Variants in CCNC observed in about 807,000 individuals in gnomAD.
The protein encoded by CCNC is cyclin-C.
Under a neutral mutation model 50.0 loss-of-function variants are expected in CCNC, and 19 were observed. The ratio of observed to expected loss-of-function variants is 0.38; its 90% CI spans 0.27 to 0.56. The LOEUF (loss-of-function observed/expected upper bound fraction) is 0.56. CCNC is among the 20% of genes least tolerant of loss of function. The pLI is 0.72. For missense variants in CCNC, 200 were observed against 327.1 expected, an observed-to-expected ratio of 0.61 and a Z score of 3.00; for synonymous variants, 93 against 103.7, an observed-to-expected ratio of 0.90 and a Z score of 0.63.
Position 99,568,588 on chromosome 6 carries a change from T to C in CCNC, c.-61A>G. On this transcript the variant is annotated 5_prime_UTR_variant, in exon 1 of 12. It removes an upstream start codon present in the reference 5' UTR. Transcript: ENST00000520429. ...GGCGGAGCGGCCCGCGGAGCGACCA[T>C]AGACCCAGCCCGTCCGGTAACCGCG... The C allele has an allele frequency of 1.9e-6, 3 of 1,590,388 alleles. No homozygotes were observed. Among genetic ancestry groups the C allele is most frequent in the Non-Finnish European group, 1.7e-6 (2 of 1,169,242 alleles).
Position 99,543,225 on chromosome 6 carries a change from T to C in CCNC, c.*330A>G. On this transcript the variant is annotated 3_prime_UTR_variant, in exon 12 of 12. Transcript: ENST00000520429. ...AGAATTTTAAACAAATTATGCTTCATGTTTCCTGGCTTAATAAAAAGCTAC... is the reference window on the plus strand; with the variant it reads ...AGAATTTTAAACAAATTATGCTTCACGTTTCCTGGCTTAATAAAAAGCTAC... 1 of 173,666 alleles carries C rather than the reference T, an allele frequency of 5.8e-6. No homozygotes were observed. The highest frequency in any genetic ancestry group is 1.9e-4 in the South Asian group (1 of 5,200). The allele number at this position is 173,666 out of a possible 1,614,324, so 10.8% of individuals were successfully genotyped here. A position where few individuals can be genotyped will look rare whatever the true frequency, so the allele number is the denominator to read the frequency against.
At chr6:99,551,070 C>T (rs1802278035) in intron 6 of CCNC, 42 bp from the exon 7 acceptor site, 6 of 971,386 alleles carry the variant, frequency 6.2e-6, no homozygotes, top group Non-Finnish European at 8.4e-6. Flanking sequence ...CAATATGAAA[C>T]CAAATTAGAT....
Position 99,551,709 on chromosome 6 carries a change from A to G in CCNC, c.402+131T>C, listed in dbSNP as rs1018482483. ...GGTAAAAGCTATTTAGCTTTAATTT[A>G]GAATAATGTCTGTATTTATGTAATA... On this transcript the variant is annotated intron_variant, in intron 6 of 11. Coordinates refer to ENST00000520429, the MANE Select transcript of CCNC (RefSeq NM_005190.4). 9 of 496,710 alleles carry G rather than the reference A, an allele frequency of 1.8e-5. No homozygotes were observed. The East Asian group carries it at 3.4e-4, about 19-fold the overall frequency. 30.8% of individuals were successfully genotyped at this position (496,710 alleles called of 1,614,324 possible).
intron 6 of CCNC, among the ~76,000 whole-genome samples, chr6:99,551,455 T>C (rs950249896): frequency 1.3e-5 from 2 of 152,170 alleles, no homozygotes; most frequent in African/African-American, 2.4e-5. Context: ...AAAATGTCAA[T>C]AGAAATTCAC....
chr6:99,550,665 T>C, intron 7 of CCNC: 1 of 264,192 alleles, frequency 3.8e-6, no homozygotes, highest in Non-Finnish European at 7.1e-6. Context: ...AGACATAATC[T>C]ATCTTTAAAT....
rs1362091998 is a variant in CCNC, at chr6:99,550,281, T to C, written c.467A>G (p.Tyr156Cys). 4 of 1,612,544 alleles carry C rather than the reference T, an allele frequency of 2.5e-6. No homozygotes were observed. The highest frequency in any genetic ancestry group is 3.4e-6 in the Non-Finnish European group (4 of 1,179,122). ...MDCCLIVYHP[Y>C]RPLLQYVQDM... ...CTGCACATACTGGAGCAAAGGTCTA[T>C]AAGGATGATACACTATCAAGCAACA... The change falls in exon 8 of 12, where the codon TAT (tyrosine) becomes TGT (cysteine). Residue 156 changes from tyrosine (Y) to cysteine (C), a missense_variant. Tyr to Cys is a radical substitution (Grantham distance 194). Transcript: ENST00000520429.
chr6:99,546,001 C>T (rs1215196205), intron 10 of CCNC, among the ~76,000 whole-genome samples: 1 of 152,066 alleles, frequency 6.6e-6, no homozygotes, highest in African/African-American at 2.4e-5. Flanking sequence ...CGGAGTCTCG[C>T]TCTGTTGCCC....
chr6:99,561,391 A>C lies in CCNC; in HGVS notation c.270T>G (p.Cys90Trp). The C allele has an allele frequency of 6.2e-7, 1 of 1,602,904 alleles. No individual in the cohort carries two copies. The highest frequency in any genetic ancestry group is 8.5e-7 in the Non-Finnish European group (1 of 1,174,238). The part of the protein sequence containing the change: ...SIDPVLMAPT[C>W]VFLASKVEEF... Reference sequence around the variant, plus strand: ...CCTCTACTTTGGATGCCAAAAACACACATGTAGGAGCCATTAATACAGGAT... The same window carrying C: ...CCTCTACTTTGGATGCCAAAAACACCCATGTAGGAGCCATTAATACAGGAT... Residue 90 changes from cysteine (C) to tryptophan (W), a missense_variant, in exon 4 of 12, where the codon TGT becomes TGG. Cys to Trp is a radical substitution (Grantham distance 215). Transcript: ENST00000520429.
intron 5 of CCNC, among the ~76,000 whole-genome samples, chr6:99,553,252 T>C (rs181553769): frequency 3.6e-4 from 55 of 152,330 alleles, no homozygotes; most frequent in African/African-American, 1.3e-3. Context: ...TTAAGGTTTC[T>C]GAGTTTTACA....
chr6:99,568,668 G>A, upstream of CCNC: 16 of 1,513,026 alleles, frequency 1.1e-5, no homozygotes, highest in South Asian at 1.3e-4. Context: ...GACGGCGAAA[G>A]GAAGAGGATG....
At chr6:99,544,261 A>G in intron 11 of CCNC, 1 of 1,535,008 alleles carries the variant, frequency 6.5e-7, no homozygotes, top group Non-Finnish European at 8.7e-7. Flanking sequence ...GTGGAGAATC[A>G]CTCAGGGAAT....
chr6:99,556,573 CTT>C (rs1479342745), intron 5 of CCNC, among the ~76,000 whole-genome samples: 7 of 152,144 alleles, frequency 4.6e-5, no homozygotes, highest in Admixed American at 3.3e-4. Context: ...AATCTCAGCA[CTT>C]TGGGAGGCTG....
chr6:99,568,813 A>T (rs1769277882), upstream of CCNC: 3 of 856,578 alleles, frequency 3.5e-6, no homozygotes, highest in Admixed American at 1.2e-4. Flanking sequence ...GAGATTGAAG[A>T]GAACTAGTGT....
chr6:99,546,734 T>TA (rs1802087088), intron 9 of CCNC, among the ~76,000 whole-genome samples: 1 of 152,134 alleles, frequency 6.6e-6, no homozygotes, highest in Non-Finnish European at 1.5e-5. Context: ...TCAGGCACGT[T>TA]AAAGAGGAAA....
intron 4 of CCNC, 141 bp downstream of exon 4, chr6:99,561,226 A>G: frequency 4.4e-6 from 3 of 676,228 alleles, no homozygotes; most frequent in Non-Finnish European, 5.3e-6. Flanking sequence ...GGATATGTAT[A>G]TATTTCTTTG....
Position 99,542,451 on chromosome 6 carries a change from A to G in CCNC, c.*1104T>C, listed in dbSNP as rs956639014. 6.6e-6 allele frequency: 1 copy of G among 152,496 alleles called. No individual in the cohort carries two copies. The highest frequency in any genetic ancestry group is 1.5e-5 in the Non-Finnish European group (1 of 68,016). The allele number at this position is 152,496 out of a possible 1,614,324, so 9.4% of individuals were successfully genotyped here. A position where few individuals can be genotyped will look rare whatever the true frequency, so the allele number is the denominator to read the frequency against. ...CTAGGAAGTCAACATTTAATAAGCC[A>G]TCATCCACAATTGATTAAAAATGTT... On this transcript the variant is annotated 3_prime_UTR_variant, in exon 12 of 12. Transcript: ENST00000520429.
At chr6:99,561,720 G>A in intron 2 of CCNC, 39 bp from the exon 3 acceptor site, 2 of 1,188,322 alleles carry the variant, frequency 1.7e-6, no homozygotes, top group East Asian at 2.3e-5. Flanking sequence ...GTATCTTCTG[G>A]TATCATTATA....
chr6:99,543,447 T>C lies in CCNC; in HGVS notation c.*108A>G. 2 of 1,222,276 alleles carry C rather than the reference T, an allele frequency of 1.6e-6. No homozygotes were observed. The highest frequency in any genetic ancestry group is 2.7e-5 in the South Asian group (2 of 74,296). 75.7% of individuals were successfully genotyped at this position (1,222,276 alleles called of 1,614,324 possible). On this transcript the variant is annotated 3_prime_UTR_variant, in exon 12 of 12. Transcript: ENST00000520429. Reference sequence around the variant, plus strand: ...AAATAAAATCACTTTCCAATATGCTTGACAGAAACAAGCTATTCATTTTCA... The same window carrying C: ...AAATAAAATCACTTTCCAATATGCTCGACAGAAACAAGCTATTCATTTTCA...
intron 11 of CCNC, 156 bp from the exon 12 acceptor site, chr6:99,543,765 G>C: frequency 7.0e-7 from 1 of 1,421,028 alleles, no homozygotes; most frequent in South Asian, 1.6e-5. Flanking sequence ...TTAAAATCCA[G>C]AAGACTAACA....
Sources: allele counts gnomAD v4.1 joint callset (sites outside exome capture counted in the v4.1 genomes callset), GRCh38; gene constraint gnomAD v4.1.1; transcripts MANE v1.5; gene names NCBI Gene and HGNC (gene_info 2026-07-23, HGNC 2026-07-21).